CASK: variants seen among roughly 807,000 people sequenced by gnomAD.
CASK encodes the protein calcium/calmodulin dependent serine protein kinase.
In CASK, 4 loss-of-function variants were observed where a neutral mutation model predicts 82.9. The observed-to-expected ratio is 0.05, with a 90% CI of 0.02 to 0.11. The LOEUF (loss-of-function observed/expected upper bound fraction) is 0.11, where lower values mean the gene tolerates loss of function less well. Ranked by LOEUF, CASK falls within the 10% of genes least tolerant of loss-of-function variation. The probability of loss-of-function intolerance (pLI) is 1.00; values close to 1 mark genes in which losing one functional copy is unlikely to be tolerated. For synonymous variants in CASK, 259 were observed against 253.5 expected, an observed-to-expected ratio of 1.02 and a Z score of -0.20; for missense variants, 358 against 720.9, an observed-to-expected ratio of 0.50 and a Z score of 5.76.
intron 2 of CASK, among the ~76,000 whole-genome samples, chrX:41,813,857 A>T (rs1299252043): frequency 1.8e-5 from 2 of 112,082 alleles, no homozygotes; most frequent in East Asian, 2.8e-4. Flanking sequence ...ACAAAGGGCT[A>T]ATATCCAGAA....
chrX:41,798,745 G>T (rs2069924624), intron 2 of CASK, among the ~76,000 whole-genome samples: 1 of 112,266 alleles, frequency 8.9e-6, no homozygotes, highest in Admixed American at 9.4e-5. Flanking sequence ...TGAGGCAGAA[G>T]AATTGCTTGA....
intron 2 of CASK, among the ~76,000 whole-genome samples, chrX:41,799,113 T>C (rs949330210): frequency 1.3e-4 from 15 of 112,594 alleles, no homozygotes; most frequent in African/African-American, 4.8e-4. Flanking sequence ...AATCATACCT[T>C]TCAAAAAAAT....
intron 3 of CASK, among the ~76,000 whole-genome samples, chrX:41,777,488 C>CAAAA (rs745388835): frequency 2.0e-3 from 81 of 41,367 alleles, no homozygotes; most frequent in African/African-American, 6.4e-3. Context: ...GACATCGTCT[C>CAAAA]AAAAAAAAAA....
At chrX:41,861,725 A>G (rs1357711668) in intron 1 of CASK, among the ~76,000 whole-genome samples, 1 of 103,686 alleles carries the variant, frequency 9.6e-6, no homozygotes, top group Non-Finnish European at 1.9e-5. Context: ...GTGTATATAT[A>G]CACATATATA....
chrX:41,616,542 C>T (rs2066202367), intron 11 of CASK, among the ~76,000 whole-genome samples: 1 of 111,310 alleles, frequency 9.0e-6, no homozygotes, highest in Non-Finnish European at 1.9e-5. Flanking sequence ...GTGGTTTATG[C>T]ATGAATATGG....
rs986112306 is a variant in CASK at position 41,900,842 on chromosome X, T to G, written c.59+22088A>C. 3.0e-5 allele frequency among the ~76,000 whole-genome samples: 3 copies of G among 101,428 alleles called. No homozygotes were observed. The East Asian group carries it at 9.1e-4, about 31-fold the overall frequency. The allele number at this position is 101,428 out of a possible 115,157, so 88.1% of individuals were successfully genotyped here. A position where few individuals can be genotyped will look rare whatever the true frequency, so the allele number is the denominator to read the frequency against. ...CTCACTGTGACCTCTGCCTCCCAGG[T>G]TCAAGCAATTCTCCTGCCTCAGCCT... On this transcript the variant is annotated intron_variant, in intron 1 of 26. Transcript: ENST00000378163.
At position 41,517,921 on chromosome X, in the gene CASK, G is replaced by A; in HGVS notation, c.*2499C>T. 1 of 464,502 alleles carries A rather than the reference G, an allele frequency of 2.2e-6. No individual in the cohort carries two copies. 38.3% of individuals were successfully genotyped at this position (464,502 alleles called of 1,213,427 possible). A position where few individuals can be genotyped will look rare whatever the true frequency, so the allele number is the denominator to read the frequency against. ...GACATGTATTAGTGGAATGGAACAG[G>A]TAACATCTTTGAGAAGTCAATGAGT... is the stretch of plus-strand genomic sequence containing the variant. On this transcript the variant is annotated 3_prime_UTR_variant, in exon 27 of 27. Coordinates refer to ENST00000378163, the MANE Select transcript of CASK (RefSeq NM_001367721.1).
Position 41,730,557 on chromosome X carries a change from T to C in CASK, c.429+8827A>G, listed in dbSNP as rs146484987. On this transcript the variant is annotated intron_variant, in intron 5 of 26. Transcript: ENST00000378163. ...ATTAATGTGCAGAGACAAAGGAGAT[T>C]TGGGAACTTGAGGTGACCGCCCTGA... is the stretch of plus-strand genomic sequence containing the variant. Among the ~76,000 whole-genome samples, 408 of 111,572 alleles carry C rather than the reference T, an allele frequency of 3.7e-3. 2 individuals carry two copies. The highest frequency in any genetic ancestry group is 0.013 in the African/African-American group (387 of 30,717).
intron 2 of CASK, among the ~76,000 whole-genome samples, chrX:41,820,747 T>C (rs2070519046): frequency 9.0e-6 from 1 of 111,274 alleles, no homozygotes; most frequent in Non-Finnish European, 1.9e-5. Flanking sequence ...AGACTTAATA[T>C]AGAATAATCT....
At chrX:41,565,378 A>T (rs2065295555) in intron 16 of CASK, among the ~76,000 whole-genome samples, 1 of 111,822 alleles carries the variant, frequency 8.9e-6, no homozygotes, top group African/African-American at 3.2e-5. Flanking sequence ...AATCAAATAG[A>T]TGCAATTAAA....
chrX:41,687,936 G>A (rs2067470951), intron 5 of CASK, among the ~76,000 whole-genome samples: 1 of 93,668 alleles, frequency 1.1e-5, no homozygotes, highest in East Asian at 3.3e-4. Context: ...ATCTCTTGTC[G>A]CCTGGGCAAC....
intron 2 of CASK, among the ~76,000 whole-genome samples, chrX:41,838,855 A>G (rs1251655193): frequency 9.0e-6 from 1 of 111,547 alleles, no homozygotes; most frequent in African/African-American, 3.3e-5. Context: ...ATTGAGGTTC[A>G]TTTTTGGCCT....
At chrX:41,813,055 A>G (rs1456529460) in intron 2 of CASK, among the ~76,000 whole-genome samples, 2 of 111,670 alleles carry the variant, frequency 1.8e-5, no homozygotes, top group Non-Finnish European at 3.8e-5. Context: ...GACCTCTTCA[A>G]GGAGAACTAC....
At chrX:41,536,785 T>G (rs973429747) in intron 22 of CASK, among the ~76,000 whole-genome samples, 5 of 111,649 alleles carry the variant, frequency 4.5e-5, no homozygotes, top group Admixed American at 9.5e-5. Context: ...ACTCACAAAA[T>G]TAAAATGAAC....
At chrX:41,752,947 T>C (rs748819641) in intron 3 of CASK, among the ~76,000 whole-genome samples, 62 of 112,186 alleles carry the variant, frequency 5.5e-4, no homozygotes, top group Non-Finnish European at 1.1e-3. Flanking sequence ...GGAATACTGG[T>C]CAAGTTTTAA....
intron 8 of CASK, among the ~76,000 whole-genome samples, chrX:41,645,811 T>C (rs1254840972): frequency 1.8e-5 from 2 of 111,577 alleles, no homozygotes; most frequent in Admixed American, 1.9e-4. Flanking sequence ...CTCCTTATAC[T>C]TTCTGTCTCA....
chrX:41,740,173 G>A (rs1473350138), intron 4 of CASK, among the ~76,000 whole-genome samples: 2 of 111,753 alleles, frequency 1.8e-5, no homozygotes, highest in Non-Finnish European at 3.8e-5. Context: ...AAGAGCAGTT[G>A]ATTCAGTACC....
chrX:41,560,886 C>T (rs1340430368), intron 17 of CASK, among the ~76,000 whole-genome samples: 1 of 108,235 alleles, frequency 9.2e-6, no homozygotes, highest in Non-Finnish European at 1.9e-5. Context: ...AGCAAAACTC[C>T]GTCTCAAAAA....
At chrX:41,854,240 A>G (rs1177883170) in intron 1 of CASK, among the ~76,000 whole-genome samples, 1 of 107,942 alleles carries the variant, frequency 9.3e-6, no homozygotes, top group African/African-American at 3.4e-5. Flanking sequence ...ACACACACAC[A>G]CACACACACA....
Sources: allele counts gnomAD v4.1 joint callset (sites outside exome capture counted in the v4.1 genomes callset), GRCh38; gene constraint gnomAD v4.1.1; transcripts MANE v1.5; gene names NCBI Gene and HGNC (gene_info 2026-07-23, HGNC 2026-07-21).